KIF21A: variants seen among roughly 807,000 people sequenced by gnomAD.
The protein encoded by KIF21A is kinesin family member 21A.
A neutral mutation model predicts 202.9 loss-of-function variants in KIF21A; 114 were observed. That is an observed-to-expected ratio of 0.56 (90% CI 0.48 to 0.66). The LOEUF is 0.66. Ranked by LOEUF, KIF21A falls within the 30% of genes least tolerant of loss-of-function variation. The pLI is 0.00. For synonymous variants in KIF21A, 667 were observed against 670.8 expected (o/e 0.99, Z 0.09); for missense variants, 1,677 against 1,994.9 (o/e 0.84, Z 3.04).
At chr12:39,357,024 T>A (rs1948827380) in intron 9 of KIF21A, 129 bp from the exon 10 acceptor site, 1 of 662,668 alleles carries the variant, frequency 1.5e-6, no homozygotes, top group Non-Finnish European at 2.6e-6. Context: ...TTTTCTACCC[T>A]TTATTACATG....
chr12:39,336,409 T>C (rs966156418), intron 17 of KIF21A, among the ~76,000 whole-genome samples: 1 of 152,192 alleles, frequency 6.6e-6, no homozygotes, highest in African/African-American at 2.4e-5. Context: ...CATACATTTA[T>C]TTGTAAAATG....
chr12:39,363,694 T>A (rs1949406621), intron 6 of KIF21A, among the ~76,000 whole-genome samples: 1 of 152,224 alleles, frequency 6.6e-6, no homozygotes, highest in Admixed American at 6.5e-5. Context: ...GAACAAGGTA[T>A]TCCTATGCAA....
intron 1 of KIF21A, among the ~76,000 whole-genome samples, chr12:39,421,742 T>TACACAC (rs755593805): frequency 4.1e-4 from 59 of 143,006 alleles, no homozygotes; most frequent in East Asian, 1.8e-3. Context: ...TATATATATA[T>TACACAC]ACACATACAC....
chr12:39,306,176 T>C lies in KIF21A; in HGVS notation c.4443-1238A>G, dbSNP rs1592045874. Among the ~76,000 whole-genome samples the C allele has an allele frequency of 2.0e-5, 3 of 150,582 alleles. No homozygotes were observed. In the South Asian group the frequency reaches 6.3e-4, roughly 32 times the overall value. The stretch of plus-strand genomic sequence containing the variant: ...AGATATTACAGTTTCTTGAAAACTA[T>C]TCTCTTAGTTCCTTTGTTAAGATCT... On this transcript the variant is annotated intron_variant, in intron 34 of 37. Coordinates refer to ENST00000361418, the MANE Select transcript of KIF21A (RefSeq NM_001173464.2).
intron 21 of KIF21A, 77 bp from the exon 22 acceptor site, chr12:39,331,868 T>C (rs1209577712): frequency 4.6e-6 from 5 of 1,092,886 alleles, no homozygotes; most frequent in African/African-American, 3.1e-5. Context: ...GTTTCACATA[T>C]TTATTTCCTA....
intron 17 of KIF21A, among the ~76,000 whole-genome samples, chr12:39,335,933 C>G (rs2138238807): frequency 6.6e-6 from 1 of 152,322 alleles, no homozygotes; most frequent in East Asian, 1.9e-4. Context: ...CCCCTTTTCT[C>G]TATCCCCTTT....
At chr12:39,302,911 C>T in intron 36 of KIF21A, 54 bp downstream of exon 36, 1 of 1,432,200 alleles carries the variant, frequency 7.0e-7, no homozygotes, top group Non-Finnish European at 9.8e-7. Context: ...CTTCTACAGG[C>T]TACAGGATTG....
chr12:39,347,978 A>G (rs1197450301), intron 11 of KIF21A, among the ~76,000 whole-genome samples: 3 of 152,078 alleles, frequency 2.0e-5, no homozygotes, highest in Non-Finnish European at 2.9e-5. Flanking sequence ...ACGAGCTACA[A>G]TGGCTCAGAG....
chr12:39,335,410 C>CAA (rs1033088626), intron 17 of KIF21A, among the ~76,000 whole-genome samples: 1,029 of 60,634 alleles, frequency 0.017, 28 homozygotes, highest in African/African-American at 0.038. Flanking sequence ...GACTCTGTCT[C>CAA]AAAAAAAAAA....
chr12:39,436,448 A>ATATATATAT (rs1387332677), intron 1 of KIF21A, among the ~76,000 whole-genome samples: 40 of 95,764 alleles, frequency 4.2e-4, no homozygotes, highest in African/African-American at 1.9e-3. Context: ...ATATATATAT[A>ATATATATAT]TTTTTTTTTT....
rs1347396430 is a variant in KIF21A, at chr12:39,351,831, A to G, written c.1619T>C (p.Leu540Pro). ...CAACTTCTCTAAATCTTTTTTTGCT[A>G]GGTCTATAATTTCAATGGTTTCTTT... The part of the protein sequence containing the change: ...SDKETIEIID[L>P]AKKDLEKLKR... Residue 540 changes from leucine (L) to proline (P), a missense_variant, in exon 11 of 38, where the codon CTA (leucine) becomes CCA (proline). Physicochemically the swap from Leu to Pro is moderately conservative, Grantham distance 98. Transcript: ENST00000361418. The G allele has an allele frequency of 6.2e-7, 1 of 1,601,926 alleles. No individual in the cohort carries two copies. Among genetic ancestry groups the G allele is most frequent in the Non-Finnish European group, 8.5e-7 (1 of 1,171,320 alleles).
chr12:39,349,640 A>G (rs906372452), intron 11 of KIF21A, among the ~76,000 whole-genome samples: 1 of 152,124 alleles, frequency 6.6e-6, no homozygotes, highest in African/African-American at 2.4e-5. Flanking sequence ...CCTACATTTT[A>G]AAAATAGAAA....
In KIF21A at chr12:39,442,931, C is replaced by T. The variant is rs1422024452; in HGVS notation, c.40G>A (p.Val14Ile). The T allele has an allele frequency of 3.3e-6, 5 of 1,524,966 alleles. No individual in the cohort carries two copies. Among genetic ancestry groups the T allele is most frequent in the Non-Finnish European group, 4.4e-6 (5 of 1,142,920 alleles). The allele number at this position is 1,524,966 out of a possible 1,614,324, so 94.5% of individuals were successfully genotyped here. The change falls in exon 1 of 38, where the codon GTC (valine) becomes ATC (isoleucine). Residue 14 changes from valine to isoleucine, a missense_variant. By Grantham distance (29) the Val-to-Ile change is conservative. Around this residue, in one of 3 missense-constraint regions of KIF21A, gnomAD observed 966 missense variants for 1,180.9 expected, o/e 0.82. Coordinates refer to ENST00000361418, the MANE Select transcript of KIF21A (RefSeq NM_001173464.2). The surrounding 1 kb of genome is among the most constrained non-coding windows in gnomAD (Gnocchi z 5.0). Reference protein sequence around the residue: ...APDESSVRVAVRIRPQLAKEK... With the variant: ...APDESSVRVAIRIRPQLAKEK... Reference sequence around the variant, plus strand: ...CCGCCGGCAGACTGTCCTCACCTGACAGCCACCCGCACGGAGCTCTCGTCC... The same window carrying T: ...CCGCCGGCAGACTGTCCTCACCTGATAGCCACCCGCACGGAGCTCTCGTCC...
At chr12:39,436,358 A>C (rs531642471) in intron 1 of KIF21A, among the ~76,000 whole-genome samples, 1 of 148,212 alleles carries the variant, frequency 6.7e-6, no homozygotes, top group Non-Finnish European at 1.5e-5. Context: ...CAACCAATTA[A>C]TCCTTTCAAG....
chr12:39,294,671 T>C (rs1017604935), intron 37 of KIF21A, among the ~76,000 whole-genome samples, 154 bp from the exon 38 acceptor site: 14 of 152,230 alleles, frequency 9.2e-5, no homozygotes, highest in African/African-American at 3.1e-4. Flanking sequence ...AGCAAACACA[T>C]ACCTTAATAA....
chr12:39,317,295 A>G (rs1944659688), intron 29 of KIF21A, among the ~76,000 whole-genome samples: 1 of 152,212 alleles, frequency 6.6e-6, no homozygotes, highest in Non-Finnish European at 1.5e-5. Flanking sequence ...CTTAAATGGC[A>G]TCCTATAAAT....
intron 1 of KIF21A, among the ~76,000 whole-genome samples, chr12:39,431,640 A>G (rs2140358887): frequency 6.6e-6 from 1 of 152,328 alleles, no homozygotes; most frequent in East Asian, 1.9e-4. Flanking sequence ...AAAAAAGTTA[A>G]GCAAGACAGG....
Position 39,340,652 on chromosome 12 carries a change from G to T in KIF21A, c.2110+254C>A, listed in dbSNP as rs138502427. Among the ~76,000 whole-genome samples, 234 of 151,792 alleles carry T rather than the reference G, an allele frequency of 1.5e-3. 1 individual carries two copies. Among genetic ancestry groups the T allele is most frequent in the African/African-American group, 5.4e-3 (223 of 41,432 alleles). On this transcript the variant is annotated intron_variant, in intron 15 of 37. Coordinates refer to ENST00000361418, the MANE Select transcript of KIF21A (RefSeq NM_001173464.2). ...TAAGTAAACAGCCTAGGCAGATATC[G>T]GTATGAAAAAACAAAACAAATAACA... is the stretch of plus-strand genomic sequence containing the variant.
chr12:39,405,725 T>C (rs1354205865), intron 1 of KIF21A, among the ~76,000 whole-genome samples: 1 of 152,124 alleles, frequency 6.6e-6, no homozygotes, highest in African/African-American at 2.4e-5. Context: ...AAAAAAGCCC[T>C]ACATTATTGT....
Sources: gnomAD v4.1 joint callset for allele counts (sites outside exome capture counted in the v4.1 genomes callset) on GRCh38, gnomAD v4.1.1 for gene constraint, gnomAD v4.1.1 regional missense constraint, Gnocchi (gnomAD v3.1) non-coding constraint, MANE v1.5 for transcripts, NCBI Gene and HGNC (gene_info 2026-07-23, HGNC 2026-07-21) for gene names.